The following DOK5 variants were observed in gnomAD, a reference collection of about 807,000 sequenced individuals.
DOK5 encodes docking protein 5, also known as downstream of tyrosine kinase 5.
In DOK5, 27 loss-of-function variants were observed where a neutral mutation model predicts 43.3. The observed-to-expected ratio is 0.62, with a 90% CI of 0.46 to 0.86. The LOEUF (loss-of-function observed/expected upper bound fraction) is 0.86, where lower values mean the gene tolerates loss of function less well. Among genes scored for constraint, DOK5 ranks in the 40% least tolerant of loss-of-function variants. The pLI, the probability that DOK5 is intolerant of heterozygous loss-of-function variation, is 0.00. For synonymous variants in DOK5, 146 were observed against 140.1 expected, an observed-to-expected ratio of 1.04 and a Z score of -0.30; for missense variants, 373 against 392.9, an observed-to-expected ratio of 0.95 and a Z score of 0.43.
At chr20:54,561,890 C>T (rs1447612558) in intron 2 of DOK5, among the ~76,000 whole-genome samples, 1 of 152,196 alleles carries the variant, frequency 6.6e-6, no homozygotes, top group Non-Finnish European at 1.5e-5. Flanking sequence ...CTCCCGACCT[C>T]AGGTGATCCG....
At chr20:54,520,026 G>A (rs1983337624) in intron 1 of DOK5, among the ~76,000 whole-genome samples, 1 of 152,130 alleles carries the variant, frequency 6.6e-6, no homozygotes, top group Non-Finnish European at 1.5e-5. Flanking sequence ...TCCTTGACCT[G>A]CAGCTTCACT....
At chr20:54,499,840 G>A (rs948353425) in intron 1 of DOK5, among the ~76,000 whole-genome samples, 2 of 152,204 alleles carry the variant, frequency 1.3e-5, no homozygotes, top group African/African-American at 4.8e-5. Context: ...AGGTAAAGAA[G>A]TTTGGGCTTG....
intron 1 of DOK5, among the ~76,000 whole-genome samples, chr20:54,508,454 G>A: frequency 6.6e-6 from 1 of 150,832 alleles, no homozygotes; most frequent in East Asian, 1.9e-4. Flanking sequence ...GAGATGGCAG[G>A]AGCTTATATC....
chr20:54,507,359 T>G (rs1385849026), intron 1 of DOK5, among the ~76,000 whole-genome samples: 1 of 152,200 alleles, frequency 6.6e-6, no homozygotes, highest in Non-Finnish European at 1.5e-5. Flanking sequence ...GAAGCCACAT[T>G]AAAAAATAAA....
At chr20:54,569,043 A>G (rs958933363) in intron 2 of DOK5, among the ~76,000 whole-genome samples, 2 of 151,802 alleles carry the variant, frequency 1.3e-5, no homozygotes, top group Admixed American at 1.3e-4. Context: ...GTCAGAAAAA[A>G]ATGCTAATAG....
chr20:54,556,005 A>T (rs2146730831), intron 2 of DOK5, among the ~76,000 whole-genome samples: 1 of 152,328 alleles, frequency 6.6e-6, no homozygotes, highest in Non-Finnish European at 1.5e-5. Flanking sequence ...AGGGTCTATG[A>T]TGACACTTTG....
At chr20:54,641,007 A>ATT (rs1443070145) in intron 6 of DOK5, among the ~76,000 whole-genome samples, 7 of 152,142 alleles carry the variant, frequency 4.6e-5, no homozygotes, top group Non-Finnish European at 7.3e-5. Flanking sequence ...GCTCAAATGA[A>ATT]TTTTTTTATA....
At chr20:54,532,673 A>G (rs1227252238) in intron 1 of DOK5, among the ~76,000 whole-genome samples, 2 of 152,072 alleles carry the variant, frequency 1.3e-5, no homozygotes, top group East Asian at 3.9e-4. Context: ...GTTTCTTTTC[A>G]TACTGAGTGA....
chr20:54,594,469 C>T (rs1274924708), intron 5 of DOK5, among the ~76,000 whole-genome samples: 1 of 151,954 alleles, frequency 6.6e-6, no homozygotes, highest in Non-Finnish European at 1.5e-5. Context: ...TATATTTTTC[C>T]CTTTGGGTCT....
intron 7 of DOK5, among the ~76,000 whole-genome samples, chr20:54,647,943 G>A (rs1435969607): frequency 1.3e-5 from 2 of 152,062 alleles, no homozygotes; most frequent in Admixed American, 1.3e-4. Context: ...TCATTACGAG[G>A]GAGACAAGCC....
intron 1 of DOK5, among the ~76,000 whole-genome samples, chr20:54,544,727 C>G (rs1317439488): frequency 5.3e-5 from 8 of 152,030 alleles, no homozygotes; most frequent in Admixed American, 5.2e-4. Context: ...GTGTGGAAAA[C>G]AGTCCTGTGT....
At position 54,515,265 on chromosome 20, in the gene DOK5, C is replaced by T. The variant is rs551035881; in HGVS notation, c.66+39253C>T. 4.6e-5 allele frequency among the ~76,000 whole-genome samples: 7 copies of T among 152,246 alleles called. No individual in the cohort carries two copies. In the East Asian group the frequency reaches 7.7e-4, roughly 17 times the overall value. ...TGACCTCAGGCCATCCAACCCGCCT[C>T]GGCCTCCCAAAGTGCTGGATTACAG... is the stretch of plus-strand genomic sequence containing the variant. On this transcript the variant is annotated intron_variant, in intron 1 of 7. Coordinates refer to ENST00000262593, the MANE Select transcript of DOK5 (RefSeq NM_018431.5).
chr20:54,578,916 C>T (rs59446079), intron 2 of DOK5, among the ~76,000 whole-genome samples: 13,328 of 152,172 alleles, frequency 0.088, 1,037 homozygotes, highest in African/African-American at 0.21. Context: ...GGAATCAGAT[C>T]ATCACCCAGT....
At chr20:54,552,979 T>G in intron 1 of DOK5, among the ~76,000 whole-genome samples, 1 of 152,226 alleles carries the variant, frequency 6.6e-6, no homozygotes, top group East Asian at 1.9e-4. Context: ...GACCAAATAT[T>G]TTATGTAGAC....
intron 1 of DOK5, among the ~76,000 whole-genome samples, chr20:54,525,791 A>G (rs1983553545): frequency 6.6e-6 from 1 of 152,190 alleles, no homozygotes; most frequent in South Asian, 2.1e-4. Flanking sequence ...TTGCAAAGGT[A>G]ATTTAGGCAA....
At chr20:54,517,129 A>G (rs1983223724) in intron 1 of DOK5, among the ~76,000 whole-genome samples, 1 of 152,230 alleles carries the variant, frequency 6.6e-6, no homozygotes, top group African/African-American at 2.4e-5. Flanking sequence ...TGATTCAAAT[A>G]TAACTTCCCA....
intron 1 of DOK5, chr20:54,494,680 T>A (rs1250132839): frequency 6.6e-6 from 1 of 152,064 alleles, no homozygotes; most frequent in African/African-American, 2.4e-5. Context: ...CATATTTTAT[T>A]TATTATGTTG....
At chr20:54,487,049 A>G (rs1568749627) in intron 1 of DOK5, among the ~76,000 whole-genome samples, 1 of 152,182 alleles carries the variant, frequency 6.6e-6, no homozygotes, top group African/African-American at 2.4e-5. Flanking sequence ...GTGAAATCCT[A>G]TCTTAGAACA....
Position 54,546,879 on chromosome 20 carries a change from G to C in DOK5, c.67-8054G>C, listed in dbSNP as rs563170141. Among the ~76,000 whole-genome samples the C allele has an allele frequency of 5.3e-5, 8 of 152,282 alleles. No homozygotes were observed. In the South Asian group the frequency reaches 1.5e-3, roughly 28 times the overall value. ...TCCCCAATGGTGGACAGGGAGACCAGACATTTGGTGGAGGGGGTTGAAAAA... is the reference window on the plus strand; with the variant it reads ...TCCCCAATGGTGGACAGGGAGACCACACATTTGGTGGAGGGGGTTGAAAAA... On this transcript the variant is annotated intron_variant, in intron 1 of 7. Coordinates refer to ENST00000262593, the MANE Select transcript of DOK5 (RefSeq NM_018431.5).
Sources: gnomAD v4.1 joint callset for allele counts (sites outside exome capture counted in the v4.1 genomes callset) on GRCh38, gnomAD v4.1.1 for gene constraint, MANE v1.5 for transcripts, NCBI Gene and HGNC (gene_info 2026-07-23, HGNC 2026-07-21) for gene names.